MVB12B: variants seen among roughly 807,000 people sequenced by gnomAD.
MVB12B encodes multivesicular body subunit 12B.
MVB12B carries 16 observed loss-of-function variants against 41.6 expected under a neutral mutation model. The ratio of observed to expected loss-of-function variants is 0.38; its 90% CI spans 0.26 to 0.58. The LOEUF (loss-of-function observed/expected upper bound fraction) is 0.58, where lower values mean the gene tolerates loss of function less well. Ranked by LOEUF, MVB12B falls within the 20% of genes least tolerant of loss-of-function variation. MVB12B has a pLI of 0.62. For missense variants in MVB12B, 274 were observed against 380.2 expected, an observed-to-expected ratio of 0.72 and a Z score of 2.32; for synonymous variants, 133 against 139.7, an observed-to-expected ratio of 0.95 and a Z score of 0.34.
Position 126,386,599 on chromosome 9 carries a change from T to C in MVB12B, c.350T>C (p.Ile117Thr). Residue 117 changes from isoleucine (I) to threonine (T), a missense_variant, in exon 4 of 10, where the codon ATT becomes ACT. By Grantham distance (89) the Ile-to-Thr change is moderately conservative. Coordinates refer to ENST00000361171, the MANE Select transcript of MVB12B (RefSeq NM_033446.3). The surrounding 1 kb of genome is among the most constrained non-coding windows in gnomAD (Gnocchi z 4.3). Reference sequence around the variant, plus strand: ...AACGTGTTAGTAGATATGAAGCTCATTGACATCAAGGACACACTGCCTGTG... The same window carrying C: ...AACGTGTTAGTAGATATGAAGCTCACTGACATCAAGGACACACTGCCTGTG... ...LGNVLVDMKL[I>T]DIKDTLPVGF... 2 of 1,614,142 alleles carry C rather than the reference T, an allele frequency of 1.2e-6. No individual in the cohort carries two copies. The highest frequency in any genetic ancestry group is 2.2e-5 in the East Asian group (1 of 44,882).
chr9:126,498,087 C>T (rs1017443061), intron 9 of MVB12B, among the ~76,000 whole-genome samples: 6 of 152,338 alleles, frequency 3.9e-5, no homozygotes, highest in African/African-American at 1.4e-4. Context: ...CTGCCTCTCT[C>T]CTCCCGCAGC....
chr9:126,494,875 C>A (rs867139149), intron 9 of MVB12B, among the ~76,000 whole-genome samples: 8 of 151,812 alleles, frequency 5.3e-5, no homozygotes, highest in South Asian at 2.1e-4. Flanking sequence ...CCCACCCCCC[C>A]CCAGGGTTGT....
intron 6 of MVB12B, among the ~76,000 whole-genome samples, chr9:126,409,670 A>G (rs1831568978): frequency 6.6e-6 from 1 of 152,114 alleles, no homozygotes; most frequent in Admixed American, 6.5e-5. Flanking sequence ...GCACCCCTCC[A>G]GCACCCCACA....
At chr9:126,425,212 A>G (rs1413564577) in intron 7 of MVB12B, among the ~76,000 whole-genome samples, 1 of 152,188 alleles carries the variant, frequency 6.6e-6, no homozygotes, top group Non-Finnish European at 1.5e-5. Context: ...GTTTGAGGCT[A>G]TAATGTGCTA....
At chr9:126,454,537 G>A (rs1832942359) in intron 7 of MVB12B, among the ~76,000 whole-genome samples, 1 of 152,238 alleles carries the variant, frequency 6.6e-6, no homozygotes. Context: ...GAGTAGAAAG[G>A]TGGCCCCTGG....
At chr9:126,501,134 C>T (rs1157227396) in intron 9 of MVB12B, among the ~76,000 whole-genome samples, 2 of 152,234 alleles carry the variant, frequency 1.3e-5, no homozygotes, top group Admixed American at 1.3e-4. Context: ...GTCTCCTGAC[C>T]GCGGCCTGTG....
In MVB12B at chr9:126,327,002, CG is replaced by C; in HGVS notation, c.77del (p.Gly26GlufsTer43). 1 of 227,056 alleles carries C rather than the reference CG, an allele frequency of 4.4e-6. No individual in the cohort carries two copies. Among genetic ancestry groups the C allele is most frequent in the Non-Finnish European group, 8.8e-6 (1 of 113,446 alleles). The allele number at this position is 227,056 out of a possible 1,614,324, so 14.1% of individuals were successfully genotyped here. A position where few individuals can be genotyped will look rare whatever the true frequency, so the allele number is the denominator to read the frequency against. ...GCAGCCACCGCCGCCGCCGCCCCAG[CG>C]GGGAACAGTTAAGTGAGGCCCGGGC... ...PPQPPPPPPQ[R>X]GTDQSTMPEV... is the part of the protein sequence containing the mutation. On this transcript the variant is annotated frameshift_variant, in exon 1 of 10. Transcript: ENST00000361171. LOFTEE classifies it high-confidence loss of function.
Position 126,376,661 on chromosome 9 carries a change from T to A in MVB12B, c.205-4403T>A. The A allele has an allele frequency of 2.3e-6, 3 of 1,288,666 alleles. No homozygotes were observed. Among genetic ancestry groups the A allele is most frequent in the Non-Finnish European group, 3.0e-6 (3 of 988,306 alleles). 79.8% of individuals were successfully genotyped at this position (1,288,666 alleles called of 1,614,324 possible). A position where few individuals can be genotyped will look rare whatever the true frequency, so the allele number is the denominator to read the frequency against. On this transcript the variant is annotated intron_variant, in intron 2 of 9. Transcript: ENST00000361171. This position sits in a 1 kb window ranked among gnomAD's most constrained non-coding sequence, Gnocchi z 4.1. ...CGGGTGGCAGGGAGGGGCCTGCCAT[T>A]GCCATTCAGTGTGTACGCTTGGTTA...
At chr9:126,400,413 G>A (rs745609461) in intron 6 of MVB12B, among the ~76,000 whole-genome samples, 80 of 152,242 alleles carry the variant, frequency 5.3e-4, no homozygotes, top group Admixed American at 3.9e-3. Context: ...GGGGTGATGC[G>A]CTCCCAGATG....
chr9:126,471,774 C>T (rs1833318852), intron 7 of MVB12B, among the ~76,000 whole-genome samples: 1 of 152,152 alleles, frequency 6.6e-6, no homozygotes, highest in South Asian at 2.1e-4. Context: ...CAGCTCCAAG[C>T]CCCGGGCAGG....
At chr9:126,479,640 G>A (rs1463354602) in intron 7 of MVB12B, among the ~76,000 whole-genome samples, 1 of 152,168 alleles carries the variant, frequency 6.6e-6, no homozygotes, top group African/African-American at 2.4e-5. Flanking sequence ...CTCACAGCAG[G>A]TTGCCAGCAC....
chr9:126,496,296 T>C (rs190927396), intron 9 of MVB12B, among the ~76,000 whole-genome samples: 26 of 92,806 alleles, frequency 2.8e-4, no homozygotes, highest in Non-Finnish European at 5.1e-4. Flanking sequence ...CACCCATCCA[T>C]ACACCTACCC....
At chr9:126,437,304 C>T (rs559653050) in intron 7 of MVB12B, among the ~76,000 whole-genome samples, 25 of 152,154 alleles carry the variant, frequency 1.6e-4, no homozygotes, top group Non-Finnish European at 3.4e-4. Context: ...GACAGATTTT[C>T]TTTTGAAAAC....
At chr9:126,397,209 C>G in intron 6 of MVB12B, 9 of 985,468 alleles carry the variant, frequency 9.1e-6, no homozygotes, top group Non-Finnish European at 1.1e-5. Context: ...TCTAGAAGGG[C>G]CCAGAAATGG....
chr9:126,357,290 T>G (rs1323179306), intron 2 of MVB12B, among the ~76,000 whole-genome samples: 1 of 152,210 alleles, frequency 6.6e-6, no homozygotes, highest in Non-Finnish European at 1.5e-5. Flanking sequence ...TTTGGGCTAT[T>G]AAAGTAAAGC....
At chr9:126,485,571 C>CCTTCCACTGTGCTTCATGAGGTCAGGGTA (rs1277910934) in intron 9 of MVB12B, among the ~76,000 whole-genome samples, 2 of 68,426 alleles carry the variant, frequency 2.9e-5, no homozygotes, top group African/African-American at 8.9e-5. Context: ...GGTCAGGGTA[C>CCTTCCACTGTGCTTCATGAGGTCAGGGTA]CTTCCACTGT....
chr9:126,495,552 C>T (rs1342390080), intron 9 of MVB12B, among the ~76,000 whole-genome samples: 1 of 152,178 alleles, frequency 6.6e-6, no homozygotes, highest in Non-Finnish European at 1.5e-5. Flanking sequence ...TACATGCACA[C>T]ACAAGACACA....
chr9:126,351,598 C>T (rs1171089678), intron 2 of MVB12B, among the ~76,000 whole-genome samples: 1 of 149,296 alleles, frequency 6.7e-6, no homozygotes, highest in Non-Finnish European at 1.5e-5. Context: ...AAGCAGTTCT[C>T]CTGCCTCAGC....
intron 7 of MVB12B, among the ~76,000 whole-genome samples, chr9:126,460,504 C>A (rs1302799635): frequency 6.6e-6 from 1 of 152,160 alleles, no homozygotes; most frequent in Non-Finnish European, 1.5e-5. Context: ...CCGTCTATTG[C>A]AGAAGCATCT....
Sources: allele counts gnomAD v4.1 joint callset (sites outside exome capture counted in the v4.1 genomes callset), GRCh38; gene constraint gnomAD v4.1.1; non-coding constraint Gnocchi (gnomAD v3.1); transcripts MANE v1.5; gene names NCBI Gene and HGNC (gene_info 2026-07-23, HGNC 2026-07-21).